The following CPNE8 variants were observed in gnomAD, a reference collection of about 807,000 sequenced individuals.
CPNE8 encodes the protein copine-8.
In CPNE8, 45 loss-of-function variants were observed where a neutral mutation model predicts 81.5. The observed-to-expected ratio is 0.55, with a 90% CI of 0.44 to 0.71. The LOEUF (loss-of-function observed/expected upper bound fraction) is 0.71, where lower values mean the gene tolerates loss of function less well. Among genes scored for constraint, CPNE8 ranks in the 30% least tolerant of loss-of-function variants. The pLI, the probability that CPNE8 is intolerant of heterozygous loss-of-function variation, is 0.00. For missense variants in CPNE8, 594 were observed against 672.1 expected (o/e 0.88, Z 1.28); for synonymous variants, 252 against 226.3 (o/e 1.11, Z -1.02).
chr12:38,738,376 A>C (rs1941002182), intron 10 of CPNE8, among the ~76,000 whole-genome samples: 1 of 152,146 alleles, frequency 6.6e-6, no homozygotes. Context: ...TTTTCAATCA[A>C]TCAATATGTA....
At chr12:38,693,548 C>T in intron 15 of CPNE8, 109 bp downstream of exon 15, 2 of 896,072 alleles carry the variant, frequency 2.2e-6, no homozygotes, top group Non-Finnish European at 3.3e-6. Context: ...AATTAAGCTA[C>T]AGTCAGTAAA....
At chr12:38,878,944 AG>A (rs1944107270) in intron 1 of CPNE8, among the ~76,000 whole-genome samples, 1 of 152,218 alleles carries the variant, frequency 6.6e-6, no homozygotes, top group Admixed American at 6.5e-5. Context: ...ATAGGGAGAA[AG>A]AACAGTAATC....
At chr12:38,768,414 G>A (rs1293537910) in intron 7 of CPNE8, among the ~76,000 whole-genome samples, 1 of 152,084 alleles carries the variant, frequency 6.6e-6, no homozygotes, top group African/African-American at 2.4e-5. Flanking sequence ...AAACAAGCTA[G>A]GGTATCATAA....
chr12:38,834,119 C>T (rs1051184285), intron 5 of CPNE8, among the ~76,000 whole-genome samples: 10 of 152,106 alleles, frequency 6.6e-5, no homozygotes, highest in Admixed American at 4.6e-4. Context: ...AACTGGAAAG[C>T]GACATGTCCT....
At chr12:38,770,050 G>T (rs1941770286) in intron 7 of CPNE8, among the ~76,000 whole-genome samples, 1 of 152,084 alleles carries the variant, frequency 6.6e-6, no homozygotes, top group South Asian at 2.1e-4. Flanking sequence ...GCAAAGTTTT[G>T]TTTTGTTTTG....
chr12:38,791,380 T>C (rs1357778146), intron 6 of CPNE8, among the ~76,000 whole-genome samples: 1 of 151,564 alleles, frequency 6.6e-6, no homozygotes, highest in African/African-American at 2.4e-5. Flanking sequence ...AGAATAGTTA[T>C]TAAAATATAC....
chr12:38,663,279 A>T (rs1938997971), intron 19 of CPNE8, among the ~76,000 whole-genome samples: 1 of 151,844 alleles, frequency 6.6e-6, no homozygotes, highest in Non-Finnish European at 1.5e-5. Context: ...AAACAAAAAC[A>T]AAAAACAAAA....
Position 38,807,884 on chromosome 12 carries a change from A to G in CPNE8, c.407+21495T>C, listed in dbSNP as rs527963224. Among the ~76,000 whole-genome samples, 8 of 152,036 alleles carry G rather than the reference A, an allele frequency of 5.3e-5. No homozygotes were observed. The South Asian group carries it at 1.7e-3, about 32-fold the overall frequency. ...AAAGGGCTAATATCCAGAATCTACA[A>G]TGAACTCCAACAAATTTACAAGAAA... On this transcript the variant is annotated intron_variant, in intron 6 of 19. Transcript: ENST00000331366.
chr12:38,766,386 ATAT>A (rs1408949255), intron 8 of CPNE8, among the ~76,000 whole-genome samples: 1 of 152,170 alleles, frequency 6.6e-6, no homozygotes, highest in Non-Finnish European at 1.5e-5. Context: ...TGCCTGGCAA[ATAT>A]TATTTTCTTC....
chr12:38,852,428 CAAA>C (rs138401295), intron 3 of CPNE8, among the ~76,000 whole-genome samples: 6 of 75,200 alleles, frequency 8.0e-5, no homozygotes, highest in Admixed American at 1.6e-4. Context: ...AGCTCTGTCT[CAAA>C]AAAAAAAAAA....
intron 13 of CPNE8, among the ~76,000 whole-genome samples, chr12:38,722,866 C>G (rs1940601043): frequency 6.6e-6 from 1 of 151,958 alleles, no homozygotes; most frequent in Non-Finnish European, 1.5e-5. Context: ...GGCAGTTTCC[C>G]CCATGCTGTT....
intron 3 of CPNE8, among the ~76,000 whole-genome samples, chr12:38,852,360 T>A (rs1434394815): frequency 7.6e-6 from 1 of 131,654 alleles, no homozygotes; most frequent in Non-Finnish European, 1.5e-5. Flanking sequence ...ACCTGGGAAG[T>A]GGAGCTTGCA....
chr12:38,735,502 A>AT (rs1940932748), intron 10 of CPNE8, among the ~76,000 whole-genome samples: 1 of 152,008 alleles, frequency 6.6e-6, no homozygotes, highest in Non-Finnish European at 1.5e-5. Context: ...ATAACAACGT[A>AT]TTAGCTCTCT....
chr12:38,682,845 G>A (rs1939440629), intron 16 of CPNE8, among the ~76,000 whole-genome samples: 1 of 152,152 alleles, frequency 6.6e-6, no homozygotes, highest in African/African-American at 2.4e-5. Flanking sequence ...TTGGATGGGT[G>A]AGTGCTGGTT....
intron 5 of CPNE8, among the ~76,000 whole-genome samples, chr12:38,834,598 A>T (rs1387692244): frequency 6.6e-6 from 1 of 152,216 alleles, no homozygotes; most frequent in Non-Finnish European, 1.5e-5. Flanking sequence ...AAACTACAAC[A>T]GCCTTATAAC....
At chr12:38,904,732 G>C (rs1366724528) in intron 1 of CPNE8, among the ~76,000 whole-genome samples, 1 of 152,142 alleles carries the variant, frequency 6.6e-6, no homozygotes, top group Non-Finnish European at 1.5e-5. Context: ...CTCCCAAAGT[G>C]CTGGGAATAC....
At chr12:38,722,556 G>A (rs1300648810) in intron 13 of CPNE8, among the ~76,000 whole-genome samples, 1 of 152,124 alleles carries the variant, frequency 6.6e-6, no homozygotes, top group Non-Finnish European at 1.5e-5. Context: ...GCAGGGGGCT[G>A]TTGCTGAATC....
intron 6 of CPNE8, among the ~76,000 whole-genome samples, chr12:38,807,056 A>T (rs1942825463): frequency 6.6e-6 from 1 of 152,270 alleles, no homozygotes; most frequent in African/African-American, 2.4e-5. Flanking sequence ...GATGTGAAGG[A>T]CCTCTTCCAG....
At chr12:38,865,753 A>T (rs975161920) in intron 3 of CPNE8, among the ~76,000 whole-genome samples, 1 of 152,148 alleles carries the variant, frequency 6.6e-6, no homozygotes, top group Non-Finnish European at 1.5e-5. Context: ...TATTTTGATA[A>T]AAAGGTATAT....
Sources: allele counts gnomAD v4.1 joint callset (sites outside exome capture counted in the v4.1 genomes callset), GRCh38; gene constraint gnomAD v4.1.1; transcripts MANE v1.5; gene names NCBI Gene and HGNC (gene_info 2026-07-23, HGNC 2026-07-21).